Variants in ACSS3 observed in about 807,000 individuals in gnomAD.
ACSS3 encodes acyl-CoA synthetase short-chain family member 3, mitochondrial.
ACSS3 carries 64 observed loss-of-function variants against 84.2 expected under a neutral mutation model. That is an observed-to-expected ratio of 0.76 (90% confidence interval 0.62 to 0.94). The LOEUF is 0.94. ACSS3 is among the 40% of genes least tolerant of loss of function. ACSS3 has a pLI of 0.00. For missense variants in ACSS3, 815 were observed against 867.6 expected, an observed-to-expected ratio of 0.94 and a Z score of 0.76; for synonymous variants, 317 against 310.1, an observed-to-expected ratio of 1.02 and a Z score of -0.23.
rs112460527 is a variant in ACSS3 at position 81,082,422 on chromosome 12, G to C, written c.311+3991G>C. 5.2e-3 allele frequency among the ~76,000 whole-genome samples: 788 copies of C among 152,270 alleles called. 4 individuals are homozygous for C. Among genetic ancestry groups the C allele is most frequent in the African/African-American group, 0.014 (572 of 41,560 alleles). On this transcript the variant is annotated intron_variant, in intron 1 of 15. Coordinates refer to ENST00000548058, the MANE Select transcript of ACSS3 (RefSeq NM_024560.4). ...TGTCTTCTTTAGAAGGATCATGAGAGGGGTCTAGAGGAAATGATGTTTAAA... is the reference window on the plus strand; with the variant it reads ...TGTCTTCTTTAGAAGGATCATGAGACGGGTCTAGAGGAAATGATGTTTAAA...
chr12:81,140,283 A>C (rs1886028310), intron 4 of ACSS3, among the ~76,000 whole-genome samples: 1 of 152,212 alleles, frequency 6.6e-6, no homozygotes, highest in South Asian at 2.1e-4. Context: ...CAATGAATAC[A>C]ATTTACCGTA....
In ACSS3 at chr12:81,253,392, G is replaced by C; in HGVS notation, c.1805G>C (p.Cys602Ser). 1 of 1,613,932 alleles carries C rather than the reference G, an allele frequency of 6.2e-7. No individual in the cohort carries two copies. Among genetic ancestry groups the C allele is most frequent in the Non-Finnish European group, 8.5e-7 (1 of 1,179,870 alleles). The change falls in exon 14 of 16, where the codon TGT becomes TCT. Residue 602 changes from cysteine (C) to serine (S), a missense_variant. Physicochemically the swap from Cys to Ser is moderately radical, Grantham distance 112. Transcript: ENST00000548058. ...AAAGGTCATGTCCCCTTAGCACTCT[G>C]TGTATTGAGAAAAGGTGAGAGATCT... ...PLKGHVPLAL[C>S]VLRKDINATE... is the part of the protein sequence containing the mutation.
In ACSS3 at chr12:81,253,310, A is replaced by G. The variant is rs1363960466; in HGVS notation, c.1723A>G (p.Ile575Val). 2.5e-6 allele frequency: 4 copies of G among 1,613,730 alleles called. No homozygotes were observed. Among genetic ancestry groups the G allele is most frequent in the Admixed American group, 3.3e-5 (2 of 59,992 alleles). Reference sequence around the variant, plus strand: ...TGAATGCCTTTCCTTATTACAGTCAATCCTTTCCCATGGTACCGTGGCAGA... The same window carrying G: ...TGAATGCCTTTCCTTATTACAGTCAGTCCTTTCCCATGGTACCGTGGCAGA... The part of the protein sequence containing the change: ...RISAGAIEES[I>V]LSHGTVADCA... Residue 575 changes from isoleucine (I) to valine (V), a missense_variant, in exon 14 of 16, where the codon ATC (isoleucine) becomes GTC (valine). Ile to Val is a conservative substitution (Grantham distance 29). Coordinates refer to ENST00000548058, the MANE Select transcript of ACSS3 (RefSeq NM_024560.4).
At chr12:81,135,269 G>T (rs34520199) in intron 3 of ACSS3, among the ~76,000 whole-genome samples, 9,049 of 132,504 alleles carry the variant, frequency 0.068, 412 homozygotes, top group Middle Eastern at 0.14. Context: ...AATAAAATGT[G>T]ATATATATAA....
At chr12:81,188,727 CTCTT>C (rs2031409497) in intron 8 of ACSS3, among the ~76,000 whole-genome samples, 1 of 152,074 alleles carries the variant, frequency 6.6e-6, no homozygotes, top group Admixed American at 6.6e-5. Flanking sequence ...GGTTAGATCA[CTCTT>C]TATGAGTATT....
intron 8 of ACSS3, among the ~76,000 whole-genome samples, chr12:81,199,039 G>C (rs1203643157): frequency 2.6e-5 from 4 of 152,132 alleles, no homozygotes. Context: ...TTTTATCTTT[G>C]ATCATTAGAT....
chr12:81,109,939 G>A (rs1159415044), intron 2 of ACSS3, among the ~76,000 whole-genome samples: 3 of 152,060 alleles, frequency 2.0e-5, no homozygotes, highest in Non-Finnish European at 4.4e-5. Context: ...GGGAGAGGAT[G>A]GCAAATCCTG....
chr12:81,145,002 G>T (rs1248766984), intron 5 of ACSS3, among the ~76,000 whole-genome samples: 2 of 143,458 alleles, frequency 1.4e-5, no homozygotes, highest in Admixed American at 1.5e-4. Flanking sequence ...CCGGGTTCAC[G>T]CCATTCTCGT....
At chr12:81,144,566 A>T (rs922430173) in intron 5 of ACSS3, among the ~76,000 whole-genome samples, 3 of 147,162 alleles carry the variant, frequency 2.0e-5, no homozygotes, top group African/African-American at 7.5e-5. Context: ...GAGGGGACTC[A>T]GCAAAGTTAT....
At chr12:81,244,052 T>A (rs951604858) in intron 13 of ACSS3, among the ~76,000 whole-genome samples, 1 of 152,288 alleles carries the variant, frequency 6.6e-6, no homozygotes, top group South Asian at 2.1e-4. Context: ...TTTTTTCTTT[T>A]GTCTAAAAAA....
At chr12:81,082,181 C>T (rs748674948) in intron 1 of ACSS3, among the ~76,000 whole-genome samples, 6 of 152,276 alleles carry the variant, frequency 3.9e-5, no homozygotes, top group Non-Finnish European at 5.9e-5. Flanking sequence ...ATAGTAAACA[C>T]GGTACCTGGT....
chr12:81,078,371 T>G lies in ACSS3; in HGVS notation c.251T>G (p.Ile84Ser), dbSNP rs1177668333. 1.9e-6 allele frequency: 3 copies of G among 1,612,124 alleles called. No homozygotes were observed. The South Asian group carries it at 3.3e-5, about 18-fold the overall frequency. The part of the protein sequence containing the change: ...ERFWGKAAEQ[I>S]SWYKPWTKTL... ...TTCTGGGGCAAAGCTGCCGAGCAGA[T>G]CAGCTGGTACAAGCCCTGGACCAAA... The change falls in exon 1 of 16, where the codon ATC becomes AGC. Residue 84 changes from isoleucine to serine, a missense_variant. Transcript: ENST00000548058.
chr12:81,178,064 C>G (rs1484206518), intron 8 of ACSS3, among the ~76,000 whole-genome samples: 1 of 151,990 alleles, frequency 6.6e-6, no homozygotes, highest in Non-Finnish European at 1.5e-5. Flanking sequence ...GGAACCAACC[C>G]AAATGTCCAA....
At chr12:81,254,376 C>T (rs2034244416) in intron 15 of ACSS3, among the ~76,000 whole-genome samples, 1 of 152,094 alleles carries the variant, frequency 6.6e-6, no homozygotes, top group South Asian at 2.1e-4. Context: ...AGGCTAGCGG[C>T]AGTAGATGTT....
chr12:81,142,237 T>A, intron 4 of ACSS3, among the ~76,000 whole-genome samples: 1 of 152,184 alleles, frequency 6.6e-6, no homozygotes, highest in East Asian at 1.9e-4. Flanking sequence ...TGTGCTAACA[T>A]GTTCGCCAAT....
intron 1 of ACSS3, among the ~76,000 whole-genome samples, chr12:81,102,064 C>CAT (rs758034419): frequency 6.6e-6 from 1 of 151,694 alleles, no homozygotes; most frequent in Non-Finnish European, 1.5e-5. Context: ...CACACACACA[C>CAT]ACACATATTC....
chr12:81,228,972 A>G (rs2033364277), intron 11 of ACSS3, among the ~76,000 whole-genome samples: 1 of 151,654 alleles, frequency 6.6e-6, no homozygotes, highest in South Asian at 2.1e-4. Flanking sequence ...TTGGATCAGC[A>G]CTCCTGTATA....
chr12:81,122,386 A>G lies in ACSS3; in HGVS notation c.457-12430A>G, dbSNP rs182283101. ...TCAAGAGAAAAGGAATCTGGCCTTC[A>G]TTAACAGTAGAAATTAATGTTGTTT... On this transcript the variant is annotated intron_variant, in intron 2 of 15. Coordinates refer to ENST00000548058, the MANE Select transcript of ACSS3 (RefSeq NM_024560.4). 3.8e-3 allele frequency among the ~76,000 whole-genome samples: 571 copies of G among 152,252 alleles called. 3 individuals are homozygous for G. Among genetic ancestry groups the G allele is most frequent in the Middle Eastern group, 0.017 (5 of 294 alleles).
intron 11 of ACSS3, among the ~76,000 whole-genome samples, chr12:81,226,739 A>G (rs1199400357): frequency 2.6e-5 from 4 of 151,868 alleles, no homozygotes; most frequent in African/African-American, 7.2e-5. Context: ...AGAAACTTTC[A>G]AAGAGTCAGC....
Sources: gnomAD v4.1 joint callset for allele counts (sites outside exome capture counted in the v4.1 genomes callset) on GRCh38, gnomAD v4.1.1 for gene constraint, MANE v1.5 for transcripts, NCBI Gene and HGNC (gene_info 2026-07-23, HGNC 2026-07-21) for gene names.